Variants in STK3 observed in about 807,000 individuals in gnomAD.
The protein encoded by STK3 is serine/threonine kinase 3, also known as serine/threonine-protein kinase 3.
In STK3, 41 loss-of-function variants were observed where a neutral mutation model predicts 58.0. The observed-to-expected ratio is 0.71, with a 90% CI of 0.55 to 0.92. STK3 has a LOEUF of 0.92. Among genes scored for constraint, STK3 ranks in the 40% least tolerant of loss-of-function variants. The pLI, the probability that STK3 is intolerant of heterozygous loss-of-function variation, is 0.00. For missense variants in STK3, 479 were observed against 602.7 expected (o/e 0.79, Z 2.15); for synonymous variants, 170 against 191.0 (o/e 0.89, Z 0.91).
chr8:98,604,403 C>T (rs963177307), intron 6 of STK3, among the ~76,000 whole-genome samples: 4 of 152,196 alleles, frequency 2.6e-5, no homozygotes, highest in Non-Finnish European at 5.9e-5. Flanking sequence ...CATGGGCTGG[C>T]ATTGGGTGCC....
intron 6 of STK3, among the ~76,000 whole-genome samples, chr8:98,628,083 T>A (rs1217613655): frequency 6.6e-6 from 1 of 152,356 alleles, no homozygotes. Flanking sequence ...TCCTTTAATA[T>A]CTGTTTTATA....
At chr8:98,696,862 C>G (rs1464816315) in intron 6 of STK3, among the ~76,000 whole-genome samples, 1 of 152,192 alleles carries the variant, frequency 6.6e-6, no homozygotes. Flanking sequence ...CAGGATGACG[C>G]TGGCCTCATA....
At chr8:98,427,185 G>A (rs1818248304) in intron 3 of STK3, 1 of 149,308 alleles carries the variant, frequency 6.7e-6, no homozygotes, top group South Asian at 2.1e-4. Context: ...GGAGACGCTC[G>A]GCGGCCCCCG....
chr8:98,743,852 T>A (rs1829433387), intron 4 of STK3, among the ~76,000 whole-genome samples: 1 of 152,050 alleles, frequency 6.6e-6, no homozygotes, highest in African/African-American at 2.4e-5. Flanking sequence ...AAAGGGCTAA[T>A]ATCCAGAATC....
chr8:98,650,679 G>A (rs989284121), intron 6 of STK3, among the ~76,000 whole-genome samples: 1 of 152,316 alleles, frequency 6.6e-6, no homozygotes, highest in Non-Finnish European at 1.5e-5. Flanking sequence ...AGCGCACCAG[G>A]AGATTATATC....
chr8:98,859,666 T>C (rs917565198), intron 3 of STK3, among the ~76,000 whole-genome samples: 3 of 152,310 alleles, frequency 2.0e-5, no homozygotes, highest in South Asian at 2.1e-4. Flanking sequence ...CCCAGAAGCA[T>C]GAATAGAAGG....
At chr8:98,422,092 G>A (rs1288881514) in intron 3 of STK3, among the ~76,000 whole-genome samples, 1 of 152,166 alleles carries the variant, frequency 6.6e-6, no homozygotes, top group Non-Finnish European at 1.5e-5. Context: ...GGGATGGAAG[G>A]GCTGTAGTCA....
At chr8:98,607,592 A>T (rs1816875043) in intron 6 of STK3, among the ~76,000 whole-genome samples, 1 of 152,240 alleles carries the variant, frequency 6.6e-6, no homozygotes, top group Non-Finnish European at 1.5e-5. Context: ...AGAAATACGC[A>T]TAAACTATAC....
intron 6 of STK3, among the ~76,000 whole-genome samples, chr8:98,689,626 T>A (rs982088259): frequency 6.6e-6 from 1 of 151,884 alleles, no homozygotes; most frequent in Non-Finnish European, 1.5e-5. Flanking sequence ...CCAAAAAAAA[T>A]TTTTTAATTA....
the STK3 span, among the ~76,000 whole-genome samples, chr8:98,352,034 G>T: frequency 6.6e-6 from 1 of 151,920 alleles, no homozygotes; most frequent in Middle Eastern, 3.2e-3. Context: ...CTACCTGGGA[G>T]GCTGAGGCAG....
rs1354310695 is a variant in STK3 at position 98,800,678 on chromosome 8, C to CA, written c.26+24836dup. 1.3e-5 allele frequency among the ~76,000 whole-genome samples: 2 copies of CA among 152,208 alleles called. No homozygotes were observed. The highest frequency in any genetic ancestry group is 4.8e-5 in the African/African-American group (2 of 41,454). ...GTGTGGGCTTGATGGGCCCCGCACT[C>CA]AGAGTGGCCAGCTGATGCCGCCAGC... On this transcript the variant is annotated intron_variant, in intron 1 of 10. Coordinates refer to ENST00000419617, the MANE Select transcript of STK3 (RefSeq NM_006281.4). This position sits in a 1 kb window ranked among gnomAD's most constrained non-coding sequence, Gnocchi z 4.8.
chr8:98,514,944 A>T (rs915426151), intron 10 of STK3, among the ~76,000 whole-genome samples: 1 of 152,106 alleles, frequency 6.6e-6, no homozygotes, highest in Admixed American at 6.6e-5. Context: ...ATCTCAAACA[A>T]TAGCAAAACC....
At chr8:98,681,187 C>G (rs1396948096) in intron 6 of STK3, among the ~76,000 whole-genome samples, 1 of 151,964 alleles carries the variant, frequency 6.6e-6, no homozygotes, top group East Asian at 1.9e-4. Context: ...TTAGTGGAGA[C>G]AGGGTTTCAC....
chr8:98,421,658 C>T (rs1304346816), intron 3 of STK3, among the ~76,000 whole-genome samples: 1 of 152,008 alleles, frequency 6.6e-6, no homozygotes, highest in Non-Finnish European at 1.5e-5. Context: ...TGCCTATAGT[C>T]CCAGCTACTC....
At position 98,436,574 on chromosome 8, in the gene STK3, G is replaced by A. The variant is rs145059204; in HGVS notation, n.291+529C>T. 25 of 152,276 alleles carry A rather than the reference G, an allele frequency of 1.6e-4. No homozygotes were observed. The East Asian group carries it at 3.3e-3, about 20-fold the overall frequency. The allele number at this position is 152,276 out of a possible 1,614,324, so 9.4% of individuals were successfully genotyped here. On this transcript the variant is annotated intron_variant and non_coding_transcript_variant, in intron 2 of 3. Coordinates refer to the STK3 transcript ENST00000517832. ...TTACTCACAATATTGATTATTTACT[G>A]GCAGCTGAGTAATTGCCAAGTACCA...
At chr8:98,364,718 G>T in the STK3 span, among the ~76,000 whole-genome samples, 1 of 152,206 alleles carries the variant, frequency 6.6e-6, no homozygotes, top group African/African-American at 2.4e-5. Flanking sequence ...GGAGGTTGGG[G>T]ATGCGGGGTG....
chr8:98,446,117 T>C (rs528607748), intron 1 of STK3, among the ~76,000 whole-genome samples: 1 of 152,354 alleles, frequency 6.6e-6, no homozygotes, highest in South Asian at 2.1e-4. Context: ...TGTCTTTATA[T>C]ATGCTTTGCC....
chr8:98,665,311 T>A (rs1342205100), intron 6 of STK3, among the ~76,000 whole-genome samples: 2 of 152,222 alleles, frequency 1.3e-5, no homozygotes, highest in Non-Finnish European at 2.9e-5. Context: ...ATTGATCCTA[T>A]GAAGCAGAAG....
chr8:98,741,442 C>A (rs908628165), intron 4 of STK3, among the ~76,000 whole-genome samples: 3 of 152,198 alleles, frequency 2.0e-5, no homozygotes, highest in African/African-American at 7.2e-5. Flanking sequence ...TTAAGACACT[C>A]ACTCAAAACC....
Sources: gnomAD v4.1 joint callset for allele counts (sites outside exome capture counted in the v4.1 genomes callset) on GRCh38, gnomAD v4.1.1 for gene constraint, Gnocchi (gnomAD v3.1) non-coding constraint, MANE v1.5 for transcripts, NCBI Gene and HGNC (gene_info 2026-07-23, HGNC 2026-07-21) for gene names.